Variants in AKAP8L observed in about 807,000 individuals in gnomAD.
AKAP8L encodes A-kinase anchoring protein 8 like, also known as A-kinase anchor protein 8-like.
Under a neutral mutation model 77.5 loss-of-function variants are expected in AKAP8L, and 34 were observed. The ratio of observed to expected loss-of-function variants is 0.44; its 90% CI spans 0.33 to 0.58. The LOEUF is 0.58. Among genes scored for constraint, AKAP8L ranks in the 20% least tolerant of loss-of-function variants. AKAP8L has a pLI of 0.02. For missense variants in AKAP8L, 806 were observed against 887.6 expected, an observed-to-expected ratio of 0.91 and a Z score of 1.17; for synonymous variants, 342 against 340.7, an observed-to-expected ratio of 1.00 and a Z score of -0.04.
rs760381186 is a variant in AKAP8L, at chr19:15,397,893, T to C, written c.1158-38A>G. The C allele has an allele frequency of 3.1e-6, 5 of 1,605,234 alleles. No individual in the cohort carries two copies. Among genetic ancestry groups the C allele is most frequent in the Non-Finnish European group, 4.3e-6 (5 of 1,176,106 alleles). On this transcript the variant is annotated intron_variant, in intron 9 of 13. Coordinates refer to ENST00000397410, the MANE Select transcript of AKAP8L (RefSeq NM_014371.4). This position sits in a 1 kb window ranked among gnomAD's most constrained non-coding sequence, Gnocchi z 4.7. Reference sequence around the variant, plus strand: ...GGAAACGAGGGGCTGAGGCTGCAAGTGTCCCAGGGGATAGTGCTGCCGCCT... The same window carrying C: ...GGAAACGAGGGGCTGAGGCTGCAAGCGTCCCAGGGGATAGTGCTGCCGCCT...
At chr19:15,407,837 T>C (rs1169713061) in intron 2 of AKAP8L, among the ~76,000 whole-genome samples, 1 of 152,248 alleles carries the variant, frequency 6.6e-6, no homozygotes, top group Admixed American at 6.5e-5. Flanking sequence ...GATAGATCTA[T>C]AGATCCAAGG....
chr19:15,402,577 G>A (rs548350708), intron 4 of AKAP8L, among the ~76,000 whole-genome samples: 3 of 152,284 alleles, frequency 2.0e-5, no homozygotes, highest in African/African-American at 7.2e-5. Flanking sequence ...GTTGGGCCAG[G>A]AGTTACAGAG....
intron 12 of AKAP8L, among the ~76,000 whole-genome samples, chr19:15,395,983 CAAAAAAAA>C (rs751904092): frequency 0.03 from 1,202 of 40,528 alleles, 41 homozygotes; most frequent in Non-Finnish European, 0.042. Flanking sequence ...GACTCCGTCT[CAAAAAAAA>C]AAAAAAAAAA....
At position 15,399,721 on chromosome 19, in the gene AKAP8L, G is replaced by A. The variant is rs1599606016; in HGVS notation, c.1049-311C>T. On this transcript the variant is annotated intron_variant, in intron 8 of 13. Coordinates refer to ENST00000397410, the MANE Select transcript of AKAP8L (RefSeq NM_014371.4). The surrounding 1 kb of genome is among the most constrained non-coding windows in gnomAD (Gnocchi z 6.1). ...TATCTTTGTGGGGACACTGGCACAT[G>A]TTCAGAGGGGCCAGGTGGTGGGATG... The A allele has an allele frequency of 5.0e-6, 2 of 398,260 alleles. No homozygotes were observed. The highest frequency in any genetic ancestry group is 3.8e-5 in the Admixed American group (1 of 26,042). The allele number at this position is 398,260 out of a possible 1,614,324, so 24.7% of individuals were successfully genotyped here.
At chr19:15,385,901 C>T (rs917744206) in intron 12 of AKAP8L, among the ~76,000 whole-genome samples, 2 of 145,932 alleles carry the variant, frequency 1.4e-5, no homozygotes, top group Admixed American at 7.0e-5. Context: ...ATCCAGCCAA[C>T]TTTCTTTCTT....
rs564118282 is a variant in AKAP8L, at chr19:15,403,821, G to A, written c.122-106C>T. 11 of 1,120,710 alleles carry A rather than the reference G, an allele frequency of 9.8e-6. No individual in the cohort carries two copies. The highest frequency in any genetic ancestry group is 1.4e-5 in the Non-Finnish European group (11 of 764,778). The allele number at this position is 1,120,710 out of a possible 1,614,324, so 69.4% of individuals were successfully genotyped here. ...ACAAGGGTATCTTCTGTCACAGAGA[G>A]AGAAGACCCTAGCCACTGAAGCTAG... On this transcript the variant is annotated intron_variant, in intron 3 of 13. Coordinates refer to ENST00000397410, the MANE Select transcript of AKAP8L (RefSeq NM_014371.4). The surrounding 1 kb of genome is among the most constrained non-coding windows in gnomAD (Gnocchi z 4.3).
chr19:15,380,247 G>A lies in AKAP8L; in HGVS notation c.1816C>T (p.Pro606Ser), dbSNP rs1034613178. Reference sequence around the variant, plus strand: ...CCCTCCTCCTCCTCCTCTGGGGGCGGCGGCGGTGGCGGCGACACGGCCCCG... The same window carrying A: ...CCCTCCTCCTCCTCCTCTGGGGGCGACGGCGGTGGCGGCGACACGGCCCCG... ...APGAVSPPPP[P>S]PPEEEEEGAV... Residue 606 changes from proline to serine, a missense_variant, in exon 14 of 14, where the codon CCG becomes TCG. Physicochemically the swap from Pro to Ser is moderately conservative, Grantham distance 74. Transcript: ENST00000397410. The A allele has an allele frequency of 2.0e-6, 3 of 1,497,018 alleles. No individual in the cohort carries two copies. The Admixed American group carries it at 6.9e-5, about 34-fold the overall frequency. 92.7% of individuals were successfully genotyped at this position (1,497,018 alleles called of 1,614,324 possible). A position where few individuals can be genotyped will look rare whatever the true frequency, so the allele number is the denominator to read the frequency against.
At chr19:15,416,558 G>T (rs909949533) in intron 1 of AKAP8L, among the ~76,000 whole-genome samples, 1 of 152,216 alleles carries the variant, frequency 6.6e-6, no homozygotes, top group Non-Finnish European at 1.5e-5. Flanking sequence ...GCTTTCAGAT[G>T]ACTCTAGTCC....
intron 2 of AKAP8L, among the ~76,000 whole-genome samples, chr19:15,410,199 T>C (rs978149838): frequency 5.9e-5 from 9 of 152,266 alleles, no homozygotes; most frequent in East Asian, 3.9e-4. Flanking sequence ...CGCCTCGGCC[T>C]CCCAAAGTGC....
At chr19:15,385,502 G>T (rs1033316460) in intron 12 of AKAP8L, among the ~76,000 whole-genome samples, 1 of 152,006 alleles carries the variant, frequency 6.6e-6, no homozygotes, top group East Asian at 1.9e-4. Context: ...ATTTCTTAGG[G>T]AACCATCCCT....
At chr19:15,392,973 C>T (rs943511379) in intron 12 of AKAP8L, among the ~76,000 whole-genome samples, 10 of 149,616 alleles carry the variant, frequency 6.7e-5, no homozygotes, top group African/African-American at 2.5e-4. Context: ...GAAATTAATT[C>T]ATTTACTAGA....
intron 12 of AKAP8L, among the ~76,000 whole-genome samples, chr19:15,391,287 T>C (rs1480645465): frequency 6.6e-6 from 1 of 151,484 alleles, no homozygotes. Context: ...TGAAACCCCA[T>C]CTCTACTAAA....
At chr19:15,416,172 A>G (rs1968204813) in intron 1 of AKAP8L, among the ~76,000 whole-genome samples, 1 of 152,076 alleles carries the variant, frequency 6.6e-6, no homozygotes, top group Non-Finnish European at 1.5e-5. Flanking sequence ...ACAGAGTACC[A>G]AAAATTAAAA....
Position 15,397,374 on chromosome 19 carries a change from C to G in AKAP8L, c.1406-94G>C, listed in dbSNP as rs769560317. On this transcript the variant is annotated intron_variant, in intron 11 of 13. Transcript: ENST00000397410. The surrounding 1 kb of genome is among the most constrained non-coding windows in gnomAD (Gnocchi z 4.7). The stretch of plus-strand genomic sequence containing the variant: ...AAACCACACCAGCTCCTCCTCAACT[C>G]GCCCTGCCACTTCCACCTGGGCCTG... 6.6e-7 allele frequency: 1 copy of G among 1,524,048 alleles called. No individual in the cohort carries two copies. Among genetic ancestry groups the G allele is most frequent in the Non-Finnish European group, 8.9e-7 (1 of 1,119,090 alleles). 94.4% of individuals were successfully genotyped at this position (1,524,048 alleles called of 1,614,324 possible). A position where few individuals can be genotyped will look rare whatever the true frequency, so the allele number is the denominator to read the frequency against.
At chr19:15,393,869 C>T (rs918248080) in intron 12 of AKAP8L, among the ~76,000 whole-genome samples, 6 of 146,384 alleles carry the variant, frequency 4.1e-5, no homozygotes, top group Non-Finnish European at 8.9e-5. Context: ...CGCCATTGCA[C>T]TCCAGCCTGG....
chr19:15,399,236 G>A lies in AKAP8L; in HGVS notation c.1157+66C>T. The A allele has an allele frequency of 7.0e-6, 10 of 1,434,698 alleles. No homozygotes were observed. In the South Asian group the frequency reaches 1.1e-4, roughly 16 times the overall value. The allele number at this position is 1,434,698 out of a possible 1,614,324, so 88.9% of individuals were successfully genotyped here. A position where few individuals can be genotyped will look rare whatever the true frequency, so the allele number is the denominator to read the frequency against. ...AGGGCGGCGAGCTGGCAGAGCTATG[G>A]CCCTGCTCTCCTGGCGGCAGCCCCA... On this transcript the variant is annotated intron_variant, in intron 9 of 13. Coordinates refer to ENST00000397410, the MANE Select transcript of AKAP8L (RefSeq NM_014371.4). The surrounding 1 kb of genome is among the most constrained non-coding windows in gnomAD (Gnocchi z 6.1).
At chr19:15,414,899 A>G (rs75636596) in intron 1 of AKAP8L, among the ~76,000 whole-genome samples, 6 of 152,202 alleles carry the variant, frequency 3.9e-5, no homozygotes, top group Admixed American at 3.9e-4. Flanking sequence ...CCGGGGCTCA[A>G]GTGATCCTCC....
intron 12 of AKAP8L, among the ~76,000 whole-genome samples, chr19:15,390,334 G>A (rs1175533739): frequency 6.6e-6 from 1 of 150,878 alleles, no homozygotes; most frequent in South Asian, 2.1e-4. Flanking sequence ...TGTGAGGATC[G>A]CCTGAGCCTG....
intron 12 of AKAP8L, among the ~76,000 whole-genome samples, chr19:15,381,397 C>G (rs540326836): frequency 1.3e-5 from 2 of 152,302 alleles, no homozygotes; most frequent in East Asian, 1.9e-4. Context: ...ATAGTACTGT[C>G]TGCAGAGCAT....
Sources: gnomAD v4.1 joint callset for allele counts (sites outside exome capture counted in the v4.1 genomes callset) on GRCh38, gnomAD v4.1.1 for gene constraint, Gnocchi (gnomAD v3.1) non-coding constraint, MANE v1.5 for transcripts, NCBI Gene and HGNC (gene_info 2026-07-23, HGNC 2026-07-21) for gene names.